Variants in TSGA10 observed in about 807,000 individuals in gnomAD.
TSGA10 encodes the protein testis-specific gene 10 protein.
TSGA10 carries 43 observed loss-of-function variants against 96.6 expected under a neutral mutation model. That is an observed-to-expected ratio of 0.44 (90% CI 0.35 to 0.57). The LOEUF (loss-of-function observed/expected upper bound fraction) is 0.57. TSGA10 is among the 20% of genes least tolerant of loss of function. The probability of loss-of-function intolerance (pLI) is 0.01; values close to 1 mark genes in which losing one functional copy is unlikely to be tolerated. For missense variants in TSGA10, 703 were observed against 834.4 expected (o/e 0.84, Z 1.94); for synonymous variants, 229 against 269.9 (o/e 0.85, Z 1.48).
At chr2:99,116,580 G>A (rs1006343983) in intron 4 of TSGA10, among the ~76,000 whole-genome samples, 4 of 151,588 alleles carry the variant, frequency 2.6e-5, no homozygotes, top group African/African-American at 9.7e-5. Flanking sequence ...AGTATCAACA[G>A]AAGGAAAACT....
chr2:99,012,449 A>G (rs1216575391), intron 20 of TSGA10, among the ~76,000 whole-genome samples: 1 of 152,220 alleles, frequency 6.6e-6, no homozygotes, highest in Non-Finnish European at 1.5e-5. Context: ...CTCACCTAAC[A>G]CATAAGGACT....
At chr2:99,086,050 A>G (rs2088317051) in intron 10 of TSGA10, among the ~76,000 whole-genome samples, 1 of 152,216 alleles carries the variant, frequency 6.6e-6, no homozygotes, top group African/African-American at 2.4e-5. Flanking sequence ...CAATGGGGAA[A>G]GGAAACAATT....
At chr2:99,137,209 C>A (rs1471235636) in intron 1 of TSGA10, among the ~76,000 whole-genome samples, 6 of 152,110 alleles carry the variant, frequency 3.9e-5, no homozygotes, top group Admixed American at 6.5e-5. Context: ...CTTGGCCAGG[C>A]TGGTGTTAAA....
chr2:99,003,243 T>G (rs1226992891), intron 20 of TSGA10, among the ~76,000 whole-genome samples: 1 of 152,168 alleles, frequency 6.6e-6, no homozygotes, highest in South Asian at 2.1e-4. Context: ...CAAGAAGAGC[T>G]AACTATCCTA....
rs953144852 is a variant in TSGA10 at position 99,141,116 on chromosome 2, C to A, written c.-621+13577G>T. 32 of 1,284,514 alleles carry A rather than the reference C, an allele frequency of 2.5e-5. No individual in the cohort carries two copies. The African/African-American group carries it at 4.8e-4, about 19-fold the overall frequency. The allele number at this position is 1,284,514 out of a possible 1,614,324, so 79.6% of individuals were successfully genotyped here. A position where few individuals can be genotyped will look rare whatever the true frequency, so the allele number is the denominator to read the frequency against. On this transcript the variant is annotated intron_variant, in intron 1 of 20. Transcript: ENST00000393483. ...CCGGGTCCCTCCCCGGGCTCCTCGG[C>A]CCGCCGTCCTGCCCAGAGCTCATCC...
rs2092405302 is a variant in TSGA10 at position 99,118,551 on chromosome 2, T to C, written c.-356A>G. 2.0e-6 allele frequency: 2 copies of C among 982,502 alleles called. No individual in the cohort carries two copies. Among genetic ancestry groups the C allele is most frequent in the Non-Finnish European group, 2.4e-6 (2 of 827,532 alleles). The allele number at this position is 982,502 out of a possible 1,614,324, so 60.9% of individuals were successfully genotyped here. A position where few individuals can be genotyped will look rare whatever the true frequency, so the allele number is the denominator to read the frequency against. On this transcript the variant is annotated splice_region_variant and 5_prime_UTR_variant, in exon 3 of 21. Coordinates refer to ENST00000393483, the MANE Select transcript of TSGA10 (RefSeq NM_025244.4). ...CCTTTTGAAAGTATCAGTAACTTAC[T>C]TGACTAAGCTAAATATCAAATCAAT...
chr2:99,049,075 A>G (rs141271719), intron 16 of TSGA10, among the ~76,000 whole-genome samples: 11,014 of 152,252 alleles, frequency 0.072, 792 homozygotes, highest in East Asian at 0.21. Flanking sequence ...AAATGTCAGG[A>G]AACAACAGAT....
At chr2:99,118,477 A>G (rs2104921656) in intron 3 of TSGA10, 74 bp downstream of exon 3, 1 of 536,998 alleles carries the variant, frequency 1.9e-6, no homozygotes, top group Admixed American at 6.5e-5. Flanking sequence ...AAGTATATAT[A>G]CATATATATA....
At chr2:99,076,286 T>C (rs1011608811) in intron 12 of TSGA10, among the ~76,000 whole-genome samples, 3 of 152,196 alleles carry the variant, frequency 2.0e-5, no homozygotes, top group Non-Finnish European at 4.4e-5. Flanking sequence ...ACTCCTACTA[T>C]TCTAATATAG....
At chr2:99,017,964 T>TA (rs1003911461) in intron 20 of TSGA10, among the ~76,000 whole-genome samples, 80 of 151,998 alleles carry the variant, frequency 5.3e-4, no homozygotes, top group African/African-American at 1.8e-3. Flanking sequence ...ACCATGGAAA[T>TA]AAAAAAATAT....
Position 98,998,052 on chromosome 2 carries a change from A to G in TSGA10, c.*145T>C. On this transcript the variant is annotated 3_prime_UTR_variant, in exon 21 of 21. Transcript: ENST00000393483. ...TCAGATCACTGCAACATGGCACATT[A>G]GAACAGAGATTCAGAGACACAAAGT... The G allele has an allele frequency of 1.3e-6, 1 of 744,752 alleles. No individual in the cohort carries two copies. Among genetic ancestry groups the G allele is most frequent in the South Asian group, 2.0e-5 (1 of 49,558 alleles). 46.1% of individuals were successfully genotyped at this position (744,752 alleles called of 1,614,324 possible).
chr2:99,055,474 A>ACC (rs1348540655), intron 16 of TSGA10, among the ~76,000 whole-genome samples: 4 of 151,552 alleles, frequency 2.6e-5, no homozygotes, highest in African/African-American at 9.7e-5. Flanking sequence ...AAATGTTCTC[A>ACC]CCACAAAAAA....
In TSGA10 at chr2:99,065,134, A is replaced by G; in HGVS notation, c.1219-10T>C. 6.2e-7 allele frequency: 1 copy of G among 1,610,034 alleles called. No individual in the cohort carries two copies. The highest frequency in any genetic ancestry group is 2.2e-5 in the East Asian group (1 of 44,828). On this transcript the variant is annotated splice_polypyrimidine_tract_variant and intron_variant, in intron 15 of 20. Transcript: ENST00000393483. ...GCCGGTTCTCAGATTCCTGAAAAGC[A>G]AACTTTAGCTATTACTTTAAAATGC...
chr2:99,035,016 T>C (rs2081498949), intron 17 of TSGA10, among the ~76,000 whole-genome samples: 1 of 152,164 alleles, frequency 6.6e-6, no homozygotes, highest in African/African-American at 2.4e-5. Context: ...TAAAAGTAAA[T>C]GCAAATTACA....
chr2:99,006,537 T>C (rs1390540479), intron 20 of TSGA10, among the ~76,000 whole-genome samples: 22 of 152,034 alleles, frequency 1.4e-4, no homozygotes, highest in Non-Finnish European at 2.8e-4. Context: ...AAAAGACACA[T>C]GAAAAAATGC....
intron 10 of TSGA10, chr2:99,102,381 G>A (rs916511140): frequency 6.2e-7 from 1 of 1,613,642 alleles, no homozygotes; most frequent in Non-Finnish European, 8.5e-7. Flanking sequence ...GCAGTTTACT[G>A]GAGTTGGAAT....
intron 20 of TSGA10, among the ~76,000 whole-genome samples, chr2:98,998,590 C>T (rs1029335350): frequency 5.3e-5 from 8 of 152,116 alleles, no homozygotes; most frequent in Admixed American, 5.2e-4. Flanking sequence ...AAGGTCAGGG[C>T]TACAACTATA....
intron 16 of TSGA10, among the ~76,000 whole-genome samples, chr2:99,040,527 C>CA (rs967620198): frequency 6.6e-6 from 1 of 151,560 alleles, no homozygotes; most frequent in Non-Finnish European, 1.5e-5. Flanking sequence ...AAACAAAAAA[C>CA]AAAAAAACAC....
At chr2:99,018,481 A>T (rs540185914) in intron 19 of TSGA10, 55 bp downstream of exon 19, 25 of 1,585,664 alleles carry the variant, frequency 1.6e-5, no homozygotes. Flanking sequence ...CCTAAGAAAC[A>T]ATGCTTTCCA....
Sources: gnomAD v4.1 joint callset for allele counts (sites outside exome capture counted in the v4.1 genomes callset) on GRCh38, gnomAD v4.1.1 for gene constraint, MANE v1.5 for transcripts, NCBI Gene and HGNC (gene_info 2026-07-23, HGNC 2026-07-21) for gene names.